The following PDE4B variants were observed in gnomAD, a reference collection of about 807,000 sequenced individuals.
PDE4B encodes phosphodiesterase 4B.
A neutral mutation model predicts 82.2 loss-of-function variants in PDE4B; 20 were observed. The ratio of observed to expected loss-of-function variants is 0.24; its 90% confidence interval spans 0.17 to 0.35. PDE4B has a LOEUF of 0.35. Ranked by LOEUF, PDE4B falls within the 10% of genes least tolerant of loss-of-function variation. PDE4B has a pLI of 1.00. For synonymous variants in PDE4B, 320 were observed against 318.9 expected (o/e 1.00, Z -0.04); for missense variants, 655 against 907.2 (o/e 0.72, Z 3.57).
intron 3 of PDE4B, among the ~76,000 whole-genome samples, chr1:66,006,047 A>C (rs1293744443): frequency 6.6e-6 from 1 of 152,238 alleles, no homozygotes; most frequent in African/African-American, 2.4e-5. Context: ...AAAGGAAAAA[A>C]AGTTTCTAAA....
chr1:65,962,962 C>CA (rs1031411272), intron 3 of PDE4B, among the ~76,000 whole-genome samples: 7 of 152,120 alleles, frequency 4.6e-5, no homozygotes, highest in African/African-American at 7.2e-5. Context: ...ACTGGGTCCC[C>CA]AGGAAACAAC....
At chr1:66,363,090 CA>C (rs1557729460) in intron 10 of PDE4B, 77 bp from the exon 11 acceptor site, 3 of 993,024 alleles carry the variant, frequency 3.0e-6, no homozygotes, top group Non-Finnish European at 3.1e-6. Flanking sequence ...AGCCAATGTC[CA>C]AAAAATAAAT....
chr1:66,202,900 C>T (rs1359238134), intron 3 of PDE4B, among the ~76,000 whole-genome samples: 3 of 151,266 alleles, frequency 2.0e-5, no homozygotes, highest in East Asian at 1.9e-4. Flanking sequence ...ATGATGTTAG[C>T]TGGTTATTTT....
intron 1 of PDE4B, among the ~76,000 whole-genome samples, chr1:65,886,486 C>G (rs1307691850): frequency 2.0e-5 from 3 of 152,148 alleles, no homozygotes; most frequent in Admixed American, 2.0e-4. Flanking sequence ...TTCCTTCTAT[C>G]TAACTCTATG....
At chr1:66,169,271 A>C (rs907258782) in intron 3 of PDE4B, among the ~76,000 whole-genome samples, 5 of 152,192 alleles carry the variant, frequency 3.3e-5, no homozygotes, top group Non-Finnish European at 5.9e-5. Flanking sequence ...TTGTGATTTC[A>C]GTGGCCTTTA....
intron 1 of PDE4B, among the ~76,000 whole-genome samples, chr1:65,868,645 T>C (rs972439470): frequency 3.9e-5 from 6 of 152,170 alleles, no homozygotes; most frequent in Non-Finnish European, 7.4e-5. Flanking sequence ...AGGGACTGTA[T>C]AGCAGGGGGC....
chr1:66,320,837 C>A (rs1242719281), intron 7 of PDE4B, among the ~76,000 whole-genome samples: 1 of 152,128 alleles, frequency 6.6e-6, no homozygotes, highest in African/African-American at 2.4e-5. Context: ...CTTAATCCAA[C>A]CTCAGAATAT....
intron 3 of PDE4B, among the ~76,000 whole-genome samples, chr1:66,129,432 C>T (rs887893702): frequency 2.0e-5 from 3 of 151,314 alleles, no homozygotes; most frequent in Non-Finnish European, 4.4e-5. Context: ...CCGAGGCGGG[C>T]GGATCACGAG....
chr1:66,119,520 A>C (rs761156536), intron 3 of PDE4B, among the ~76,000 whole-genome samples: 37 of 152,120 alleles, frequency 2.4e-4, no homozygotes, highest in Non-Finnish European at 4.1e-4. Context: ...AGCATTCTCT[A>C]TAAACCAAAA....
At chr1:66,018,891 A>G (rs982223733) in intron 3 of PDE4B, among the ~76,000 whole-genome samples, 1 of 149,790 alleles carries the variant, frequency 6.7e-6, no homozygotes, top group Non-Finnish European at 1.5e-5. Context: ...TGACCTGAGG[A>G]TAAAGTACTA....
At chr1:66,018,193 G>A (rs1344745794) in intron 3 of PDE4B, among the ~76,000 whole-genome samples, 4 of 152,080 alleles carry the variant, frequency 2.6e-5, no homozygotes, top group East Asian at 1.9e-4. Context: ...CAATGCGGGC[G>A]GATCACGAGG....
intron 7 of PDE4B, among the ~76,000 whole-genome samples, chr1:66,309,134 A>G (rs1658492630): frequency 6.6e-6 from 1 of 152,190 alleles, no homozygotes; most frequent in Non-Finnish European, 1.5e-5. Context: ...AATGATGTAC[A>G]CTTAGTCCTG....
At chr1:66,334,095 T>C (rs937200527) in intron 8 of PDE4B, among the ~76,000 whole-genome samples, 2 of 152,156 alleles carry the variant, frequency 1.3e-5, no homozygotes, top group Non-Finnish European at 2.9e-5. Context: ...TTTGGAGCAT[T>C]AGCAGACACT....
chr1:66,021,433 G>A (rs1653103513), intron 3 of PDE4B, among the ~76,000 whole-genome samples: 1 of 152,138 alleles, frequency 6.6e-6, no homozygotes, highest in Admixed American at 6.6e-5. Flanking sequence ...TTTCTTCTAG[G>A]ATTTTTATGG....
chr1:66,069,587 T>C (rs1451929758), intron 3 of PDE4B, among the ~76,000 whole-genome samples: 2 of 152,042 alleles, frequency 1.3e-5, no homozygotes, highest in Admixed American at 6.6e-5. Flanking sequence ...CACACATTTA[T>C]TGAGCACATA....
chr1:66,321,594 C>G (rs1278862259), intron 7 of PDE4B, among the ~76,000 whole-genome samples: 1 of 152,080 alleles, frequency 6.6e-6, no homozygotes, highest in Non-Finnish European at 1.5e-5. Flanking sequence ...ACTGCACTCT[C>G]TGCTTCAAGA....
intron 3 of PDE4B, among the ~76,000 whole-genome samples, chr1:65,973,921 C>T (rs1569860009): frequency 6.6e-6 from 1 of 152,010 alleles, no homozygotes; most frequent in Non-Finnish European, 1.5e-5. Flanking sequence ...CAAACAATTC[C>T]CCTGCCTCAG....
At chr1:66,098,242 C>G (rs1222075882) in intron 3 of PDE4B, among the ~76,000 whole-genome samples, 1 of 152,152 alleles carries the variant, frequency 6.6e-6, no homozygotes, top group African/African-American at 2.4e-5. Context: ...TCCTTCATCT[C>G]TGGTACTTGT....
At chr1:66,082,778 C>T (rs1656810138) in intron 3 of PDE4B, among the ~76,000 whole-genome samples, 1 of 151,916 alleles carries the variant, frequency 6.6e-6, no homozygotes, top group Admixed American at 6.6e-5. Flanking sequence ...ATTCATTATT[C>T]ACTGATGAAA....
Sources: allele counts gnomAD v4.1 joint callset (sites outside exome capture counted in the v4.1 genomes callset), GRCh38; gene constraint gnomAD v4.1.1; transcripts MANE v1.5; gene names NCBI Gene and HGNC (gene_info 2026-07-23, HGNC 2026-07-21).